The following NAALAD2 variants were observed in gnomAD, a reference collection of about 807,000 sequenced individuals.
NAALAD2 encodes the protein N-acetylated alpha-linked acidic dipeptidase 2.
NAALAD2 carries 89 observed loss-of-function variants against 95.6 expected under a neutral mutation model. The observed-to-expected ratio is 0.93, with a 90% CI of 0.78 to 1.11. NAALAD2 has a LOEUF of 1.11. Ranked by LOEUF, NAALAD2 falls within the 50% of genes least tolerant of loss-of-function variation. NAALAD2 has a pLI of 0.00. For synonymous variants in NAALAD2, 264 were observed against 294.4 expected (o/e 0.90, Z 1.06); for missense variants, 894 against 872.4 (o/e 1.02, Z -0.31).
At chr11:90,175,928 A>G (rs61903690) in intron 14 of NAALAD2, 44 bp from the exon 15 acceptor site, 72,732 of 972,106 alleles carry the variant, frequency 0.075, 1,862 homozygotes, top group Middle Eastern at 0.089. Context: ...TTACTTGTTT[A>G]TGTGTGTGTG....
chr11:90,134,510 G>A (rs1951405704), upstream of NAALAD2: 3 of 510,940 alleles, frequency 5.9e-6, no homozygotes, highest in Admixed American at 6.4e-5. Context: ...CCGGGTTACT[G>A]CGGGATCCAC....
Position 90,181,541 on chromosome 11 carries a change from A to T in NAALAD2, c.1859-79A>T, listed in dbSNP as rs757477140. 4 of 932,098 alleles carry T rather than the reference A, an allele frequency of 4.3e-6. No homozygotes were observed. The African/African-American group carries it at 5.0e-5, about 12-fold the overall frequency. 57.7% of individuals were successfully genotyped at this position (932,098 alleles called of 1,614,324 possible). On this transcript the variant is annotated intron_variant, in intron 16 of 18. Transcript: ENST00000534061. ...CTTCGACATCTATGTGGTCATATCA[A>T]TCTGGAATGGGGAGGGTGGGAAAGC... is the stretch of plus-strand genomic sequence containing the variant.
chr11:90,150,355 T>C, intron 4 of NAALAD2, 127 bp from the exon 5 acceptor site: 1 of 486,310 alleles, frequency 2.1e-6, no homozygotes, highest in Non-Finnish European at 3.5e-6. Context: ...ACTGTGGGTC[T>C]GTTTATTACT....
intron 13 of NAALAD2, among the ~76,000 whole-genome samples, chr11:90,171,582 G>A (rs1220295743): frequency 6.6e-6 from 1 of 152,152 alleles, no homozygotes; most frequent in Non-Finnish European, 1.5e-5. Flanking sequence ...GTTGATAAGG[G>A]AGAAGTTGAC....
At chr11:90,152,169 C>A in intron 5 of NAALAD2, 129 bp from the exon 6 acceptor site, 2 of 783,030 alleles carry the variant, frequency 2.6e-6, no homozygotes, top group Non-Finnish European at 3.7e-6. Flanking sequence ...GCCAAGAGAA[C>A]TGAATGTGTA....
intron 11 of NAALAD2, among the ~76,000 whole-genome samples, chr11:90,167,535 C>T (rs1262367771): frequency 1.3e-5 from 2 of 152,220 alleles, no homozygotes; most frequent in Non-Finnish European, 2.9e-5. Context: ...CGGCGCACAT[C>T]GTGGGACTGG....
intron 16 of NAALAD2, among the ~76,000 whole-genome samples, chr11:90,180,422 C>A (rs1444596215): frequency 1.3e-5 from 2 of 152,046 alleles, no homozygotes; most frequent in African/African-American, 4.8e-5. Flanking sequence ...GGACTAAAAT[C>A]TGGGACTAAG....
At chr11:90,174,684 A>G (rs1265956041) in intron 14 of NAALAD2, among the ~76,000 whole-genome samples, 1 of 151,852 alleles carries the variant, frequency 6.6e-6, no homozygotes, top group Non-Finnish European at 1.5e-5. Flanking sequence ...ATGTCATCTC[A>G]TTCATGCTAC....
intron 2 of NAALAD2, among the ~76,000 whole-genome samples, chr11:90,146,508 G>A (rs549712716): frequency 4.9e-4 from 74 of 151,282 alleles, no homozygotes; most frequent in African/African-American, 1.5e-3. Flanking sequence ...ACAAGCACCC[G>A]CCACGACGCC....
chr11:90,170,197 T>C, intron 13 of NAALAD2, 61 bp downstream of exon 13: 1 of 1,004,876 alleles, frequency 1.0e-6, no homozygotes, highest in South Asian at 1.3e-5. Context: ...ATAACGTGTG[T>C]TCCCCCCTAA....
chr11:90,172,070 A>G (rs1054378754), intron 13 of NAALAD2, among the ~76,000 whole-genome samples: 3 of 152,190 alleles, frequency 2.0e-5, no homozygotes, highest in East Asian at 1.9e-4. Context: ...TGGCACTATT[A>G]TGGAGACAGT....
Position 90,191,649 on chromosome 11 carries a change from G to A in NAALAD2, c.2125G>A (p.Ala709Thr), listed in dbSNP as rs758108687. ...YDAIFDIENK[A>T]NSRLAWKEVK... ...TGCTATCTTTGATATTGAAAATAAAGCCAACTCTCGTTTGGCCTGGAAAGA... is the reference window on the plus strand; with the variant it reads ...TGCTATCTTTGATATTGAAAATAAAACCAACTCTCGTTTGGCCTGGAAAGA... The change falls in exon 19 of 19, where the codon GCC becomes ACC. Residue 709 changes from alanine (A) to threonine (T), a missense_variant. Transcript: ENST00000534061. 2 of 1,606,776 alleles carry A rather than the reference G, an allele frequency of 1.2e-6. No homozygotes were observed. The highest frequency in any genetic ancestry group is 3.4e-5 in the Admixed American group (2 of 59,124).
At chr11:90,177,817 T>C (rs758130687) in intron 15 of NAALAD2, 36 bp from the exon 16 acceptor site, 2 of 1,539,080 alleles carry the variant, frequency 1.3e-6, no homozygotes, top group Middle Eastern at 1.9e-4. Flanking sequence ...GAATATTTAA[T>C]GTTTATTTAT....
upstream of NAALAD2, chr11:90,131,840 C>T (rs915622751): frequency 3.3e-5 from 5 of 152,080 alleles, no homozygotes; most frequent in African/African-American, 1.2e-4. Context: ...ATGTTAGAGG[C>T]TCACTGAATC....
chr11:90,178,402 T>C (rs951848888), intron 16 of NAALAD2, among the ~76,000 whole-genome samples: 10 of 152,206 alleles, frequency 6.6e-5, no homozygotes, highest in African/African-American at 2.4e-4. Context: ...CTGGGTGCGG[T>C]GGCTCACGCC....
chr11:90,163,473 C>T, intron 10 of NAALAD2, 44 bp downstream of exon 10: 1 of 1,613,102 alleles, frequency 6.2e-7, no homozygotes, highest in African/African-American at 1.3e-5. Context: ...AAGTGACTTA[C>T]TGAATTTTCT....
At chr11:90,179,350 A>G (rs911969561) in intron 16 of NAALAD2, among the ~76,000 whole-genome samples, 2 of 152,146 alleles carry the variant, frequency 1.3e-5, no homozygotes, top group African/African-American at 4.8e-5. Context: ...GAAAGCTTAA[A>G]GTCTCATGTG....
At chr11:90,168,235 A>C (rs1266293638) in intron 11 of NAALAD2, among the ~76,000 whole-genome samples, 1 of 152,164 alleles carries the variant, frequency 6.6e-6, no homozygotes, top group Admixed American at 6.5e-5. Context: ...AGAAGGAAGA[A>C]ACTCTGAACA....
At chr11:90,176,363 C>CA (rs1952794466) in intron 15 of NAALAD2, among the ~76,000 whole-genome samples, 1 of 152,162 alleles carries the variant, frequency 6.6e-6, no homozygotes, top group Admixed American at 6.5e-5. Flanking sequence ...AGAAAACTCT[C>CA]ATTCTCTAGA....
Sources: allele counts gnomAD v4.1 joint callset (sites outside exome capture counted in the v4.1 genomes callset), GRCh38; gene constraint gnomAD v4.1.1; transcripts MANE v1.5; gene names NCBI Gene and HGNC (gene_info 2026-07-23, HGNC 2026-07-21).